The following TATDN1 variants were observed in gnomAD, a reference collection of about 807,000 sequenced individuals.
TATDN1 encodes the protein TatD DNase domain containing 1, also known as deoxyribonuclease TATDN1.
In TATDN1, 40 loss-of-function variants were observed where a neutral mutation model predicts 46.4. The observed-to-expected ratio is 0.86, with a 90% CI of 0.67 to 1.12. The LOEUF (loss-of-function observed/expected upper bound fraction) is 1.12, where lower values mean the gene tolerates loss of function less well. Ranked by LOEUF, TATDN1 falls within the 50% of genes most tolerant of loss-of-function variation. The pLI is 0.00. For missense variants in TATDN1, 326 were observed against 348.4 expected, an observed-to-expected ratio of 0.94 and a Z score of 0.51; for synonymous variants, 95 against 105.6, an observed-to-expected ratio of 0.90 and a Z score of 0.62.
chr8:124,504,164 A>G, intron 9 of TATDN1, 107 bp downstream of exon 9: 1 of 844,136 alleles, frequency 1.2e-6, no homozygotes, highest in South Asian at 2.0e-5. Context: ...CAATGCAAAC[A>G]CACACAAACT....
chr8:124,494,161 T>G (rs1563642815), intron 10 of TATDN1: 1 of 395,736 alleles, frequency 2.5e-6, no homozygotes. Flanking sequence ...GACTCACTTC[T>G]ATTCCTTTTT....
intron 9 of TATDN1, among the ~76,000 whole-genome samples, chr8:124,500,027 T>C (rs1053207918): frequency 6.6e-6 from 1 of 151,836 alleles, no homozygotes; most frequent in African/African-American, 2.4e-5. Flanking sequence ...GTATTTTTAG[T>C]AGAGATGGGG....
Position 124,522,211 on chromosome 8 carries a change from T to TA in TATDN1, c.89-12dup. On this transcript the variant is annotated splice_polypyrimidine_tract_variant and intron_variant, in intron 2 of 11. Coordinates refer to ENST00000276692, the MANE Select transcript of TATDN1 (RefSeq NM_032026.4). ...CATCCTGTAAGTCATCTGTAAAAGATAAACTCTGTATTATGAAAACCTGGC... is the reference window on the plus strand; with the variant it reads ...CATCCTGTAAGTCATCTGTAAAAGATAAAACTCTGTATTATGAAAACCTGGC... 6.4e-7 allele frequency: 1 copy of TA among 1,574,430 alleles called. No homozygotes were observed. Among genetic ancestry groups the TA allele is most frequent in the Non-Finnish European group, 8.6e-7 (1 of 1,157,466 alleles).
At position 124,508,597 on chromosome 8, in the gene TATDN1, A is replaced by C. The variant is rs1227640760; in HGVS notation, c.475+6T>G. 6.2e-7 allele frequency: 1 copy of C among 1,606,656 alleles called. No individual in the cohort carries two copies. Among genetic ancestry groups the C allele is most frequent in the Non-Finnish European group, 8.5e-7 (1 of 1,176,784 alleles). On this transcript the variant is annotated splice_donor_region_variant and intron_variant, in intron 7 of 11. Coordinates refer to ENST00000276692, the MANE Select transcript of TATDN1 (RefSeq NM_032026.4). ...AGTTCTGAATGAGACTTTGGTTTTA[A>C]CTCACCCAAAAATTCAGCATGTGAG... is the stretch of plus-strand genomic sequence containing the variant.
Position 124,518,747 on chromosome 8 carries a change from G to A in TATDN1, c.202+71C>T, listed in dbSNP as rs58016931. ...CATGATCCATTGTATTGTACCTGAAGCAGTTTTCAGAAAGACTTCTTCAAA... is the reference window on the plus strand; with the variant it reads ...CATGATCCATTGTATTGTACCTGAAACAGTTTTCAGAAAGACTTCTTCAAA... On this transcript the variant is annotated intron_variant, in intron 4 of 11. Transcript: ENST00000276692. The A allele has an allele frequency of 7.3e-3, 7,629 of 1,050,394 alleles. 355 individuals carry two copies. In the African/African-American group the frequency reaches 0.1, roughly 14 times the overall value. The allele number at this position is 1,050,394 out of a possible 1,614,324, so 65.1% of individuals were successfully genotyped here.
intron 6 of TATDN1, among the ~76,000 whole-genome samples, chr8:124,513,583 T>TG (rs1819214105): frequency 6.6e-6 from 1 of 152,268 alleles, no homozygotes; most frequent in African/African-American, 2.4e-5. Flanking sequence ...ATGCATATTC[T>TG]AAGATCAGAC....
At chr8:124,538,968 G>T (rs1821760594) in intron 1 of TATDN1, 57 bp downstream of exon 1, 1 of 1,610,490 alleles carries the variant, frequency 6.2e-7, no homozygotes, top group South Asian at 1.1e-5. Flanking sequence ...TGACCTTGGT[G>T]ACCGACGCCC....
intron 1 of TATDN1, among the ~76,000 whole-genome samples, chr8:124,533,418 CGA>C (rs1821143796): frequency 6.6e-6 from 1 of 152,030 alleles, no homozygotes; most frequent in Non-Finnish European, 1.5e-5. Context: ...ACATATACAA[CGA>C]GAGGGGATCC....
intron 9 of TATDN1, among the ~76,000 whole-genome samples, chr8:124,499,661 A>G (rs1817775926): frequency 1.3e-5 from 2 of 151,910 alleles, no homozygotes; most frequent in African/African-American, 4.8e-5. Context: ...CTCCTGCCTC[A>G]GCCTCCCGAG....
At chr8:124,519,457 A>G (rs899503683) in intron 3 of TATDN1, among the ~76,000 whole-genome samples, 1 of 152,198 alleles carries the variant, frequency 6.6e-6, no homozygotes, top group Non-Finnish European at 1.5e-5. Flanking sequence ...CAGTCATTAG[A>G]GATTTGAAAA....
chr8:124,505,724 C>T (rs1309667408), intron 8 of TATDN1, among the ~76,000 whole-genome samples: 1 of 151,690 alleles, frequency 6.6e-6, no homozygotes, highest in Non-Finnish European at 1.5e-5. Flanking sequence ...GTAGGTTCAC[C>T]TAAACAAGTG....
At chr8:124,522,307 A>C in intron 2 of TATDN1, 107 bp from the exon 3 acceptor site, 1 of 727,566 alleles carries the variant, frequency 1.4e-6, no homozygotes, top group Non-Finnish European at 2.4e-6. Context: ...TTGAAATTAT[A>C]AACTTCTACA....
rs60859020 is a variant in TATDN1, at chr8:124,522,750, G to A, written c.88+187C>T. On this transcript the variant is annotated intron_variant, in intron 2 of 11. Coordinates refer to ENST00000276692, the MANE Select transcript of TATDN1 (RefSeq NM_032026.4). ...TCTTTATTATTTCAATTTTAAGAGC[G>A]GATTATGTTGCCCAGGCTGCTCTTG... is the stretch of plus-strand genomic sequence containing the variant. Among the ~76,000 whole-genome samples the A allele has an allele frequency of 5.1e-4, 77 of 151,890 alleles. 1 individual carries two copies. In the East Asian group the frequency reaches 0.013, roughly 25 times the overall value.
chr8:124,499,937 T>C (rs984637926), intron 9 of TATDN1, among the ~76,000 whole-genome samples: 1 of 150,578 alleles, frequency 6.6e-6, no homozygotes, highest in Non-Finnish European at 1.5e-5. Context: ...CTCCGCCTCC[T>C]GGGTTCAAAC....
In TATDN1 at chr8:124,508,588, T is replaced by G. The variant is rs1203784562; in HGVS notation, c.475+15A>C. 6.2e-7 allele frequency: 1 copy of G among 1,605,688 alleles called. No homozygotes were observed. The highest frequency in any genetic ancestry group is 8.5e-7 in the Non-Finnish European group (1 of 1,176,882). On this transcript the variant is annotated intron_variant, in intron 7 of 11. Coordinates refer to ENST00000276692, the MANE Select transcript of TATDN1 (RefSeq NM_032026.4). ...AAATTCTTAAGTTCTGAATGAGACTTTGGTTTTAACTCACCCAAAAATTCA... is the reference window on the plus strand; with the variant it reads ...AAATTCTTAAGTTCTGAATGAGACTGTGGTTTTAACTCACCCAAAAATTCA...
In TATDN1 at chr8:124,515,936, A is replaced by C. The variant is rs1819430879; in HGVS notation, c.297T>G (p.Leu99=). The change falls in exon 5 of 12, where the codon CTT becomes CTG. Residue 99 remains leucine, a synonymous_variant. Coordinates refer to ENST00000276692, the MANE Select transcript of TATDN1 (RefSeq NM_032026.4). ...PDLYLKELLN[L]AENNKGKVVA... is the part of the protein sequence containing the mutation. ...CAACTTTCCCTTTATTGTTTTCAGC[A>C]AGATTTAGCAACTCCTTTAAGTAAA... is the stretch of plus-strand genomic sequence containing the variant. 6.2e-7 allele frequency: 1 copy of C among 1,613,976 alleles called. No individual in the cohort carries two copies. Among genetic ancestry groups the C allele is most frequent in the African/African-American group, 1.3e-5 (1 of 74,946 alleles).
intron 11 of TATDN1, among the ~76,000 whole-genome samples, chr8:124,493,455 C>T (rs1008211058): frequency 5.3e-5 from 8 of 152,014 alleles, no homozygotes; most frequent in East Asian, 3.8e-4. Flanking sequence ...GGAAATAAAA[C>T]GTGCTAAAGT....
At chr8:124,507,045 C>T (rs1283719806) in intron 8 of TATDN1, among the ~76,000 whole-genome samples, 2 of 151,906 alleles carry the variant, frequency 1.3e-5, no homozygotes, top group Non-Finnish European at 2.9e-5. Context: ...ACCTGTAGTC[C>T]CAGGTACTTG....
intron 1 of TATDN1, among the ~76,000 whole-genome samples, chr8:124,526,341 G>C (rs1820499348): frequency 6.6e-6 from 1 of 152,150 alleles, no homozygotes; most frequent in Non-Finnish European, 1.5e-5. Context: ...GTTGACAATA[G>C]TATCTTTTAA....
Sources: gnomAD v4.1 joint callset for allele counts (sites outside exome capture counted in the v4.1 genomes callset) on GRCh38, gnomAD v4.1.1 for gene constraint, MANE v1.5 for transcripts, NCBI Gene and HGNC (gene_info 2026-07-23, HGNC 2026-07-21) for gene names.